Variants in KIAA1549 observed in about 807,000 individuals in gnomAD.
The protein encoded by KIAA1549 is UPF0606 protein KIAA1549.
Under a neutral mutation model 156.4 loss-of-function variants are expected in KIAA1549, and 70 were observed. The observed-to-expected ratio is 0.45, with a 90% CI of 0.37 to 0.55. The LOEUF is 0.55. KIAA1549 is among the 20% of genes least tolerant of loss of function. The pLI is 0.00. For missense variants in KIAA1549, 2,428 were observed against 2,540.9 expected, an observed-to-expected ratio of 0.96 and a Z score of 0.96; for synonymous variants, 1,103 against 1,066.4, an observed-to-expected ratio of 1.03 and a Z score of -0.67.
At chr7:138,928,724 ATACTG>A (rs1288450598) in intron 1 of KIAA1549, among the ~76,000 whole-genome samples, 2 of 152,246 alleles carry the variant, frequency 1.3e-5, no homozygotes, top group African/African-American at 4.8e-5. Context: ...TGTTTATACC[ATACTG>A]TAGTCTATTA....
At chr7:138,962,988 G>A (rs909090915) in intron 1 of KIAA1549, among the ~76,000 whole-genome samples, 3 of 152,224 alleles carry the variant, frequency 2.0e-5, no homozygotes, top group African/African-American at 7.2e-5. Context: ...CCACTGGATA[G>A]TCACTTACGT....
rs753190704 is a variant in KIAA1549 at position 138,908,994 on chromosome 7, C to T, written c.3273G>A (p.Val1091=). ...CTGCATTCAGTGATATTCTCACCTG[C>T]ACCGTGAGGTTATACGTTCCCTGGT... ...KHHQGTYNLT[V]QILNITISSS... Residue 1091 remains valine, a synonymous_variant, in exon 5 of 20, where the codon GTG becomes GTA. Coordinates refer to ENST00000422774, the MANE Select transcript of KIAA1549 (RefSeq NM_001164665.2). 1 of 1,613,992 alleles carries T rather than the reference C, an allele frequency of 6.2e-7. No individual in the cohort carries two copies. The highest frequency in any genetic ancestry group is 1.1e-5 in the South Asian group (1 of 91,078).
intron 1 of KIAA1549, among the ~76,000 whole-genome samples, chr7:138,930,106 A>C (rs59365742): frequency 0.28 from 42,875 of 152,116 alleles, 7,543 homozygotes; most frequent in African/African-American, 0.5. Flanking sequence ...GATAAGAGTT[A>C]TTGGGTGACT....
At chr7:138,881,677 T>C in intron 10 of KIAA1549, 93 bp from the exon 11 acceptor site, 1 of 1,059,790 alleles carries the variant, frequency 9.4e-7, no homozygotes, top group Non-Finnish European at 1.4e-6. Context: ...GTGCTGGCAA[T>C]TCCACAACTC....
intron 16 of KIAA1549, among the ~76,000 whole-genome samples, 184 bp downstream of exon 16, chr7:138,860,955 C>T (rs758640839): frequency 3.3e-5 from 5 of 152,218 alleles, no homozygotes; most frequent in Admixed American, 6.5e-5. Flanking sequence ...TGTAAACCCA[C>T]ATAAACGGAT....
chr7:138,890,474 G>A (rs1181968756), intron 10 of KIAA1549, among the ~76,000 whole-genome samples: 1 of 152,232 alleles, frequency 6.6e-6, no homozygotes, highest in Non-Finnish European at 1.5e-5. Context: ...AGGAAGTGGA[G>A]ACAAGGCAAA....
intron 18 of KIAA1549, among the ~76,000 whole-genome samples, chr7:138,842,426 C>T (rs555355144): frequency 2.0e-5 from 3 of 152,338 alleles, no homozygotes; most frequent in Admixed American, 6.5e-5. Flanking sequence ...GCGGCTCACG[C>T]CTGTAATCCC....
intron 1 of KIAA1549, among the ~76,000 whole-genome samples, chr7:138,951,440 T>C (rs1002137082): frequency 1.3e-5 from 2 of 152,170 alleles, no homozygotes; most frequent in Admixed American, 1.3e-4. Context: ...CTTCCCTGGG[T>C]GTTTCCTTGA....
At chr7:138,898,305 CAAAAA>C (rs575419720) in intron 9 of KIAA1549, among the ~76,000 whole-genome samples, 2 of 47,620 alleles carry the variant, frequency 4.2e-5, no homozygotes, top group Non-Finnish European at 4.4e-5. Context: ...GACTCCATCT[CAAAAA>C]AAAAAAAAAA....
chr7:138,926,615 TG>T lies in KIAA1549; in HGVS notation c.188-7178del, dbSNP rs1425594954. 2.6e-5 allele frequency among the ~76,000 whole-genome samples: 4 copies of T among 152,238 alleles called. No homozygotes were observed. The East Asian group carries it at 5.8e-4, about 22-fold the overall frequency. The stretch of plus-strand genomic sequence containing the variant: ...TTTATTCTTCTTCTAGTTCTCAGGT[TG>T]TCCTAGGCAGATTTTTAGTGCCGTT... On this transcript the variant is annotated intron_variant, in intron 1 of 19. Coordinates refer to ENST00000422774, the MANE Select transcript of KIAA1549 (RefSeq NM_001164665.2).
chr7:138,875,174 C>T (rs1811044970), intron 12 of KIAA1549, among the ~76,000 whole-genome samples: 1 of 151,982 alleles, frequency 6.6e-6, no homozygotes, highest in African/African-American at 2.4e-5. Context: ...TGCTAATTAC[C>T]CTGATTTGAT....
intron 1 of KIAA1549, among the ~76,000 whole-genome samples, chr7:138,946,505 C>T (rs950778510): frequency 6.6e-6 from 1 of 152,116 alleles, no homozygotes; most frequent in African/African-American, 2.4e-5. Flanking sequence ...CCTGGCCGGG[C>T]ACGGTGGCTC....
intron 2 of KIAA1549, among the ~76,000 whole-genome samples, chr7:138,915,937 G>A (rs1305354069): frequency 2.0e-5 from 3 of 152,228 alleles, no homozygotes; most frequent in Non-Finnish European, 4.4e-5. Flanking sequence ...ATGCCCTCAG[G>A]TGGGCACCAG....
At chr7:138,841,658 T>C (rs1809921869) in intron 18 of KIAA1549, among the ~76,000 whole-genome samples, 1 of 152,196 alleles carries the variant, frequency 6.6e-6, no homozygotes, top group African/African-American at 2.4e-5. Context: ...AGCGTCCATA[T>C]CTAAAGGAGG....
intron 1 of KIAA1549, among the ~76,000 whole-genome samples, chr7:138,924,977 G>A (rs994723458): frequency 6.6e-6 from 1 of 152,276 alleles, no homozygotes; most frequent in Middle Eastern, 3.4e-3. Flanking sequence ...ACCGCTCCCA[G>A]CTGACCCGGG....
chr7:138,838,683 C>G (rs1264081447), intron 19 of KIAA1549, among the ~76,000 whole-genome samples: 1 of 152,110 alleles, frequency 6.6e-6, no homozygotes, highest in East Asian at 1.9e-4. Context: ...ATGTTTATTT[C>G]TCTCCCAGTG....
In KIAA1549 at chr7:138,869,436, T is replaced by C. The variant is rs528758096; in HGVS notation, c.4775+102A>G. The C allele has an allele frequency of 2.3e-5, 21 of 894,044 alleles. No homozygotes were observed. In the East Asian group the frequency reaches 5.0e-4, roughly 21 times the overall value. 55.4% of individuals were successfully genotyped at this position (894,044 alleles called of 1,614,324 possible). On this transcript the variant is annotated intron_variant, in intron 14 of 19. Coordinates refer to ENST00000422774, the MANE Select transcript of KIAA1549 (RefSeq NM_001164665.2). The stretch of plus-strand genomic sequence containing the variant: ...CGTGAACACGGATGGGGTCCTTCTG[T>C]CACAGGCCCTGCAGTAGCAGAGGGG...
At chr7:138,881,200 T>C (rs1423012973) in intron 11 of KIAA1549, among the ~76,000 whole-genome samples, 188 bp downstream of exon 11, 2 of 152,090 alleles carry the variant, frequency 1.3e-5, no homozygotes, top group African/African-American at 4.8e-5. Context: ...ACAGCCTTCT[T>C]TGGCAGCCCG....
intron 1 of KIAA1549, among the ~76,000 whole-genome samples, chr7:138,935,534 T>C (rs951190261): frequency 1.3e-5 from 2 of 152,194 alleles, no homozygotes; most frequent in African/African-American, 4.8e-5. Flanking sequence ...TAAAACACAG[T>C]CCTGTAACAA....
Sources: allele counts gnomAD v4.1 joint callset (sites outside exome capture counted in the v4.1 genomes callset), GRCh38; gene constraint gnomAD v4.1.1; transcripts MANE v1.5; gene names NCBI Gene and HGNC (gene_info 2026-07-23, HGNC 2026-07-21).